Variants in SLC9A9 observed in about 807,000 individuals in gnomAD.
The protein encoded by SLC9A9 is sodium/hydrogen exchanger 9.
SLC9A9 carries 62 observed loss-of-function variants against 77.8 expected under a neutral mutation model. That is an observed-to-expected ratio of 0.80 (90% CI 0.65 to 0.98). The LOEUF (loss-of-function observed/expected upper bound fraction) is 0.98. Among genes scored for constraint, SLC9A9 ranks in the 50% least tolerant of loss-of-function variants. SLC9A9 has a pLI of 0.00. For synonymous variants in SLC9A9, 320 were observed against 283.5 expected (o/e 1.13, Z -1.29); for missense variants, 775 against 774.9 (o/e 1.00, Z 0.00).
At chr3:143,455,761 T>C (rs1237850355) in intron 12 of SLC9A9, among the ~76,000 whole-genome samples, 1 of 152,032 alleles carries the variant, frequency 6.6e-6, no homozygotes, top group Non-Finnish European at 1.5e-5. Flanking sequence ...GTACTGACCA[T>C]GTATCCTACA....
chr3:143,273,454 A>G (rs1452213897), intron 14 of SLC9A9, among the ~76,000 whole-genome samples: 2 of 152,180 alleles, frequency 1.3e-5, no homozygotes, highest in African/African-American at 4.8e-5. Context: ...TTCCACAAAG[A>G]AGAGATCATG....
chr3:143,690,849 C>A (rs1389574300), intron 5 of SLC9A9, among the ~76,000 whole-genome samples: 3 of 152,038 alleles, frequency 2.0e-5, no homozygotes, highest in Non-Finnish European at 4.4e-5. Context: ...AATAATTGAA[C>A]TGGAAAACTA....
At chr3:143,815,548 A>ATTT (rs1559811099) in intron 2 of SLC9A9, among the ~76,000 whole-genome samples, 1 of 31,428 alleles carries the variant, frequency 3.2e-5, no homozygotes, top group African/African-American at 5.0e-5. Flanking sequence ...TGCTATTTTA[A>ATTT]AAAAAAAAAA....
intron 11 of SLC9A9, among the ~76,000 whole-genome samples, chr3:143,473,362 T>A (rs906993717): frequency 4.6e-5 from 7 of 152,182 alleles, no homozygotes; most frequent in African/African-American, 1.7e-4. Context: ...TACCTCTCAC[T>A]CAGAACCCCA....
At chr3:143,771,395 T>A (rs2007511826) in intron 4 of SLC9A9, among the ~76,000 whole-genome samples, 1 of 152,190 alleles carries the variant, frequency 6.6e-6, no homozygotes, top group South Asian at 2.1e-4. Context: ...TAGTGTATGA[T>A]GTTAACCGAA....
rs762162474 is a variant in SLC9A9, at chr3:143,848,189, C to A, written c.134G>T (p.Arg45Leu). Residue 45 changes from arginine (R) to leucine (L), a missense_variant, in exon 1 of 16, where the codon CGA (arginine) becomes CTA (leucine). Arg to Leu is a moderately radical substitution (Grantham distance 102, BLOSUM62 -2). Coordinates refer to ENST00000316549, the MANE Select transcript of SLC9A9 (RefSeq NM_173653.4). ...ILTIWLFKNH[R>L]FRFLHETGGA... ...TCCAGTTTCATGCAAGAAGCGGAAT[C>A]GATGATTTTTAAATAACCAGATTGT... 73 of 1,613,800 alleles carry A rather than the reference C, an allele frequency of 4.5e-5. No individual in the cohort carries two copies. The highest frequency in any genetic ancestry group is 1.0e-4 in the Admixed American group (6 of 59,978).
intron 14 of SLC9A9, among the ~76,000 whole-genome samples, chr3:143,270,816 C>G (rs1427120569): frequency 6.6e-6 from 1 of 152,060 alleles, no homozygotes; most frequent in Non-Finnish European, 1.5e-5. Context: ...TAATGAACAC[C>G]CTTAAAAAAT....
chr3:143,390,633 G>A (rs899832777), intron 12 of SLC9A9, among the ~76,000 whole-genome samples: 6 of 152,172 alleles, frequency 3.9e-5, no homozygotes, highest in Non-Finnish European at 7.3e-5. Context: ...CACCGAGTGT[G>A]AGCCGAAGCA....
At chr3:143,558,274 T>C (rs1361998324) in intron 8 of SLC9A9, among the ~76,000 whole-genome samples, 2 of 152,098 alleles carry the variant, frequency 1.3e-5, no homozygotes, top group African/African-American at 4.8e-5. Flanking sequence ...TAGGGTAGTA[T>C]GGAAGGAAAA....
intron 4 of SLC9A9, among the ~76,000 whole-genome samples, chr3:143,757,799 C>A (rs2006973817): frequency 6.6e-6 from 1 of 152,022 alleles, no homozygotes; most frequent in Non-Finnish European, 1.5e-5. Context: ...TATTACCTGA[C>A]TCTTTCCTTT....
intron 12 of SLC9A9, among the ~76,000 whole-genome samples, chr3:143,385,307 T>A (rs1440149260): frequency 6.6e-6 from 1 of 152,228 alleles, no homozygotes; most frequent in Non-Finnish European, 1.5e-5. Context: ...TATCTATCTA[T>A]CTAATTTAAA....
chr3:143,741,114 G>T (rs995335447), intron 4 of SLC9A9, among the ~76,000 whole-genome samples: 3 of 152,128 alleles, frequency 2.0e-5, no homozygotes, highest in Non-Finnish European at 4.4e-5. Flanking sequence ...ATCTGAGAGG[G>T]TCTAAAAGAA....
chr3:143,455,143 A>T (rs2035067979), intron 12 of SLC9A9, among the ~76,000 whole-genome samples: 1 of 152,180 alleles, frequency 6.6e-6, no homozygotes, highest in South Asian at 2.1e-4. Flanking sequence ...CCACAGATAG[A>T]CACTTATTCT....
chr3:143,482,147 C>T (rs2035585111), intron 11 of SLC9A9, among the ~76,000 whole-genome samples: 1 of 152,192 alleles, frequency 6.6e-6, no homozygotes, highest in Admixed American at 6.5e-5. Context: ...GTAGCAATGG[C>T]AGCCTTTTCA....
At chr3:143,760,289 A>G (rs1251333053) in intron 4 of SLC9A9, among the ~76,000 whole-genome samples, 1 of 152,198 alleles carries the variant, frequency 6.6e-6, no homozygotes, top group African/African-American at 2.4e-5. Context: ...CTGGCACAAG[A>G]CAGAGATGCC....
At chr3:143,696,605 T>G (rs1018139095) in intron 4 of SLC9A9, among the ~76,000 whole-genome samples, 4 of 152,198 alleles carry the variant, frequency 2.6e-5, no homozygotes, top group African/African-American at 9.6e-5. Flanking sequence ...CTTGGCCCTT[T>G]GTCACTTGAA....
intron 6 of SLC9A9, among the ~76,000 whole-genome samples, chr3:143,648,346 A>T (rs1337310373): frequency 6.6e-6 from 1 of 152,168 alleles, no homozygotes; most frequent in Non-Finnish European, 1.5e-5. Context: ...GATGAAAGGC[A>T]TTCCTCAGGC....
intron 6 of SLC9A9, among the ~76,000 whole-genome samples, chr3:143,585,666 G>A (rs546397250): frequency 3.9e-5 from 6 of 152,256 alleles, no homozygotes; most frequent in East Asian, 3.9e-4. Context: ...GGCTAACATC[G>A]CCAATCTCCT....
At chr3:143,373,475 AT>A (rs2033102261) in intron 13 of SLC9A9, among the ~76,000 whole-genome samples, 1 of 152,130 alleles carries the variant, frequency 6.6e-6, no homozygotes, top group Non-Finnish European at 1.5e-5. Context: ...GGAGCTAAGG[AT>A]TAAAAAATTA....
Sources: gnomAD v4.1 joint callset for allele counts (sites outside exome capture counted in the v4.1 genomes callset) on GRCh38, gnomAD v4.1.1 for gene constraint, MANE v1.5 for transcripts, NCBI Gene and HGNC (gene_info 2026-07-23, HGNC 2026-07-21) for gene names.